Variants in CNTNAP2 observed in about 807,000 individuals in gnomAD.
CNTNAP2 encodes contactin associated protein 2, also known as contactin-associated protein-like 2.
In CNTNAP2, 98 loss-of-function variants were observed where a neutral mutation model predicts 155.2. That is an observed-to-expected ratio of 0.63 (90% CI 0.54 to 0.75). The LOEUF (loss-of-function observed/expected upper bound fraction) is 0.75, where lower values mean the gene tolerates loss of function less well. Among genes scored for constraint, CNTNAP2 ranks in the 30% least tolerant of loss-of-function variants. The pLI is 0.00. For missense variants in CNTNAP2, 1,727 were observed against 1,688.1 expected, an observed-to-expected ratio of 1.02 and a Z score of -0.40; for synonymous variants, 651 against 631.2, an observed-to-expected ratio of 1.03 and a Z score of -0.47.
chr7:146,643,297 A>G (rs1476575110), intron 1 of CNTNAP2, among the ~76,000 whole-genome samples: 4 of 151,834 alleles, frequency 2.6e-5, no homozygotes, highest in Non-Finnish European at 5.9e-5. Flanking sequence ...TTTTAGGTCT[A>G]ACGTTTAAGT....
intron 13 of CNTNAP2, among the ~76,000 whole-genome samples, chr7:147,648,913 G>A (rs1410654881): frequency 6.6e-6 from 1 of 152,170 alleles, no homozygotes; most frequent in Non-Finnish European, 1.5e-5. Context: ...AGAAGTCAAT[G>A]CTTGGCCACC....
chr7:146,245,787 A>G (rs1249870159), intron 1 of CNTNAP2, among the ~76,000 whole-genome samples: 1 of 152,022 alleles, frequency 6.6e-6, no homozygotes, highest in African/African-American at 2.4e-5. Flanking sequence ...GCTGAGCCTA[A>G]TGGGTATCAG....
At chr7:146,225,683 A>G (rs1257628395) in intron 1 of CNTNAP2, among the ~76,000 whole-genome samples, 4 of 152,144 alleles carry the variant, frequency 2.6e-5, no homozygotes, top group Non-Finnish European at 4.4e-5. Flanking sequence ...TGTGTTATCT[A>G]CCCTGTTATT....
At chr7:148,146,100 G>T (rs948543182) in intron 16 of CNTNAP2, among the ~76,000 whole-genome samples, 1 of 152,168 alleles carries the variant, frequency 6.6e-6, no homozygotes, top group Non-Finnish European at 1.5e-5. Context: ...TTAGAAGTTT[G>T]ATTGCTTGTG....
chr7:147,924,626 C>T (rs929394595), intron 14 of CNTNAP2, among the ~76,000 whole-genome samples: 1 of 152,128 alleles, frequency 6.6e-6, no homozygotes, highest in Non-Finnish European at 1.5e-5. Flanking sequence ...TGATACTCCA[C>T]CTCCTGTAGA....
chr7:147,329,335 G>T (rs1034037651), intron 9 of CNTNAP2, among the ~76,000 whole-genome samples: 2 of 151,552 alleles, frequency 1.3e-5, no homozygotes, highest in Non-Finnish European at 2.9e-5. Context: ...TATATATACA[G>T]TATTAAAATT....
chr7:146,389,703 C>T (rs868088492), intron 1 of CNTNAP2, among the ~76,000 whole-genome samples: 1,507 of 128,804 alleles, frequency 0.012, 37 homozygotes, highest in African/African-American at 0.041. Context: ...TTTCTTTTTT[C>T]TTTTTTTTTT....
intron 3 of CNTNAP2, among the ~76,000 whole-genome samples, chr7:147,039,605 T>C (rs913088208): frequency 3.9e-5 from 6 of 152,222 alleles, no homozygotes; most frequent in African/African-American, 1.4e-4. Flanking sequence ...TCTATGCCTT[T>C]GCTATTGTGA....
chr7:146,222,676 A>G (rs1799226906), intron 1 of CNTNAP2, among the ~76,000 whole-genome samples: 1 of 106,276 alleles, frequency 9.4e-6, no homozygotes, highest in African/African-American at 3.6e-5. Context: ...TTTTTTTTTG[A>G]GACGGAGTCT....
intron 2 of CNTNAP2, among the ~76,000 whole-genome samples, chr7:146,806,182 T>G (rs975809905): frequency 4.6e-5 from 7 of 152,108 alleles, no homozygotes; most frequent in Non-Finnish European, 8.8e-5. Context: ...GGTAAATGTT[T>G]CAGTTATATA....
intron 15 of CNTNAP2, among the ~76,000 whole-genome samples, chr7:148,067,222 G>A (rs1254622957): frequency 6.6e-6 from 1 of 152,156 alleles, no homozygotes; most frequent in Non-Finnish European, 1.5e-5. Context: ...CTTCTCATTT[G>A]GGTAGACCAT....
chr7:147,543,893 T>C lies in CNTNAP2; in HGVS notation c.1778-18245T>C, dbSNP rs552739658. On this transcript the variant is annotated intron_variant, in intron 11 of 23. Coordinates refer to ENST00000361727, the MANE Select transcript of CNTNAP2 (RefSeq NM_014141.6). The stretch of plus-strand genomic sequence containing the variant: ...GCTAAGTAACCTCTTGTCTTCCCAT[T>C]CTATGTTCAATTCACCATATCTTTT... Among the ~76,000 whole-genome samples, 6 of 152,328 alleles carry C rather than the reference T, an allele frequency of 3.9e-5. No individual in the cohort carries two copies. The South Asian group carries it at 1.2e-3, about 32-fold the overall frequency.
intron 21 of CNTNAP2, among the ~76,000 whole-genome samples, chr7:148,277,510 G>C (rs563754198): frequency 5.3e-5 from 8 of 150,624 alleles, no homozygotes; most frequent in African/African-American, 2.0e-4. Flanking sequence ...GATGATGCAC[G>C]TGAGGACCAG....
intron 13 of CNTNAP2, among the ~76,000 whole-genome samples, chr7:147,738,121 C>T (rs546168321): frequency 3.5e-4 from 54 of 152,262 alleles, no homozygotes; most frequent in African/African-American, 1.3e-3. Context: ...ACGCTGGGAG[C>T]TGTAGACTGG....
At chr7:147,644,497 C>A (rs1795334310) in intron 13 of CNTNAP2, among the ~76,000 whole-genome samples, 1 of 152,092 alleles carries the variant, frequency 6.6e-6, no homozygotes, top group East Asian at 1.9e-4. Flanking sequence ...TGGCATGCAC[C>A]TGTAATCCCA....
intron 3 of CNTNAP2, among the ~76,000 whole-genome samples, chr7:147,018,708 G>T (rs1398111849): frequency 6.6e-6 from 1 of 151,992 alleles, no homozygotes. Flanking sequence ...GGCTGCATGA[G>T]CCAGTTAAAC....
intron 10 of CNTNAP2, among the ~76,000 whole-genome samples, chr7:147,429,653 AAG>A (rs1027715810): frequency 3.9e-5 from 6 of 152,180 alleles, no homozygotes; most frequent in Non-Finnish European, 8.8e-5. Context: ...CTATGTCTAG[AAG>A]AGTTTTTTCT....
intron 13 of CNTNAP2, among the ~76,000 whole-genome samples, chr7:147,764,609 A>G (rs76413600): frequency 1.3e-5 from 2 of 151,826 alleles, no homozygotes; most frequent in African/African-American, 4.8e-5. Context: ...TGAATGTAGG[A>G]AAAAAAATGG....
At chr7:146,699,061 C>T (rs879471871) in intron 1 of CNTNAP2, among the ~76,000 whole-genome samples, 16 of 152,018 alleles carry the variant, frequency 1.1e-4, no homozygotes, top group Non-Finnish European at 2.1e-4. Context: ...TTAATATACT[C>T]ATGATAGTTA....
Sources: allele counts gnomAD v4.1 joint callset (sites outside exome capture counted in the v4.1 genomes callset), GRCh38; gene constraint gnomAD v4.1.1; transcripts MANE v1.5; gene names NCBI Gene and HGNC (gene_info 2026-07-23, HGNC 2026-07-21).